Variants in NUAK1 observed in about 807,000 individuals in gnomAD.
NUAK1 encodes NUAK family kinase 1.
In NUAK1, 26 loss-of-function variants were observed where a neutral mutation model predicts 56.9. The ratio of observed to expected loss-of-function variants is 0.46; its 90% CI spans 0.33 to 0.63. The LOEUF is 0.63. NUAK1 is among the 30% of genes least tolerant of loss of function. NUAK1 has a pLI of 0.02. For missense variants in NUAK1, 727 were observed against 876.1 expected (o/e 0.83, Z 2.15); for synonymous variants, 337 against 336.0 (o/e 1.00, Z -0.03).
At chr12:106,074,824 T>C (rs950198743) in intron 4 of NUAK1, among the ~76,000 whole-genome samples, 6 of 152,172 alleles carry the variant, frequency 3.9e-5, no homozygotes, top group Non-Finnish European at 7.4e-5. Context: ...ACAACCAGCC[T>C]CAGAAAATGC....
chr12:106,103,256 C>G (rs2136470359), intron 2 of NUAK1: 1 of 152,290 alleles, frequency 6.6e-6, no homozygotes, highest in Middle Eastern at 3.4e-3. Context: ...AACCTGGAAC[C>G]TTCATGCTGA....
In NUAK1 at chr12:106,122,008, T is replaced by C. The variant is rs1409684243; in HGVS notation, c.241-15483A>G. On this transcript the variant is annotated intron_variant, in intron 1 of 6. Coordinates refer to ENST00000261402, the MANE Select transcript of NUAK1 (RefSeq NM_014840.3). ...AAAACCTATCTTGTGTGCGACACTT[T>C]CTCAGAAACTCTTTGCCTGTGCCTC... 2.0e-5 allele frequency among the ~76,000 whole-genome samples: 3 copies of C among 152,186 alleles called. No homozygotes were observed. In the East Asian group the frequency reaches 5.8e-4, roughly 29 times the overall value.
chr12:106,082,105 G>C (rs1046980698), intron 4 of NUAK1, among the ~76,000 whole-genome samples: 1 of 152,206 alleles, frequency 6.6e-6, no homozygotes, highest in Non-Finnish European at 1.5e-5. Flanking sequence ...TTGTAGTATT[G>C]TCTAAAATCT....
chr12:106,075,318 C>CACACACACAG (rs142856878), intron 4 of NUAK1, among the ~76,000 whole-genome samples: 2,323 of 146,726 alleles, frequency 0.016, 40 homozygotes, highest in East Asian at 0.052. Context: ...CACACACACA[C>CACACACACAG]AGAGAGAGAG....
rs139862963 is a variant in NUAK1 at position 106,106,484 on chromosome 12, T to C, written c.282A>G (p.Glu94=). Reference sequence around the variant, plus strand: ...CTCGTCTGATGTGAACCATGTCTTGTTCATCCTTAATTTTGTCCTTACGAA... The same window carrying C: ...CTCGTCTGATGTGAACCATGTCTTGCTCATCCTTAATTTTGTCCTTACGAA... ...KSIRKDKIKD[E]QDMVHIRREI... is the part of the protein sequence containing the mutation. Residue 94 remains glutamate (E), a synonymous_variant, in exon 2 of 7, where the codon GAA becomes GAG. Transcript: ENST00000261402. 69 of 1,613,364 alleles carry C rather than the reference T, an allele frequency of 4.3e-5. No individual in the cohort carries two copies. The African/African-American group carries it at 8.9e-4, about 21-fold the overall frequency.
rs575560632 is a variant in NUAK1, at chr12:106,106,396, A to G, written c.361+9T>C. ...GATATGGGGGTTAAAAAAAAAAAAAATCACTGACCTTCATAAATACTGATG... is the reference window on the plus strand; with the variant it reads ...GATATGGGGGTTAAAAAAAAAAAAAGTCACTGACCTTCATAAATACTGATG... On this transcript the variant is annotated intron_variant, in intron 2 of 6. Coordinates refer to ENST00000261402, the MANE Select transcript of NUAK1 (RefSeq NM_014840.3). 1.3e-6 allele frequency: 2 copies of G among 1,589,676 alleles called. No individual in the cohort carries two copies. Among genetic ancestry groups the G allele is most frequent in the African/African-American group, 1.4e-5 (1 of 74,056 alleles).
chr12:106,114,017 T>C (rs2032892355), intron 1 of NUAK1, among the ~76,000 whole-genome samples: 1 of 152,184 alleles, frequency 6.6e-6, no homozygotes, highest in African/African-American at 2.4e-5. Context: ...CAAGCAGCTG[T>C]TTATTTTTGG....
At chr12:106,101,787 TG>T (rs1337727617) in intron 2 of NUAK1, among the ~76,000 whole-genome samples, 5 of 152,138 alleles carry the variant, frequency 3.3e-5, no homozygotes, top group Non-Finnish European at 5.9e-5. Flanking sequence ...AGGTTTGCTG[TG>T]GGGATAAAAG....
chr12:106,111,718 T>C (rs557186500), intron 1 of NUAK1, among the ~76,000 whole-genome samples: 4 of 152,234 alleles, frequency 2.6e-5, no homozygotes, highest in African/African-American at 9.6e-5. Context: ...TAGTGCTTCG[T>C]CTTTGACCCT....
chr12:106,092,031 A>C (rs2032640628), intron 2 of NUAK1, among the ~76,000 whole-genome samples: 1 of 151,976 alleles, frequency 6.6e-6, no homozygotes, highest in Non-Finnish European at 1.5e-5. Context: ...CCTCATCTCT[A>C]AAACAAAAAA....
chr12:106,129,043 A>G (rs1223203471), intron 1 of NUAK1, among the ~76,000 whole-genome samples: 2 of 152,220 alleles, frequency 1.3e-5, no homozygotes, highest in Non-Finnish European at 2.9e-5. Flanking sequence ...GGCTTCTCAG[A>G]TGGAGGGCTG....
At chr12:106,077,118 T>C (rs111651076) in intron 4 of NUAK1, among the ~76,000 whole-genome samples, 7 of 152,324 alleles carry the variant, frequency 4.6e-5, no homozygotes, top group African/African-American at 1.7e-4. Context: ...AGGATGCTGA[T>C]GGCAATGATA....
Position 106,138,702 on chromosome 12 carries a change from C to G in NUAK1, c.-49G>C. 1 of 1,447,326 alleles carries G rather than the reference C, an allele frequency of 6.9e-7. No homozygotes were observed. The highest frequency in any genetic ancestry group is 9.0e-7 in the Non-Finnish European group (1 of 1,108,830). The allele number at this position is 1,447,326 out of a possible 1,614,324, so 89.7% of individuals were successfully genotyped here. A position where few individuals can be genotyped will look rare whatever the true frequency, so the allele number is the denominator to read the frequency against. On this transcript the variant is annotated 5_prime_UTR_variant, in exon 1 of 7. Coordinates refer to ENST00000261402, the MANE Select transcript of NUAK1 (RefSeq NM_014840.3). This position sits in a 1 kb window ranked among gnomAD's most constrained non-coding sequence, Gnocchi z 5.0. ...CTACAGAGGGCAAGACCGGGCACAGCGCTGGGATGTCGGGGTCCCCACCGA... is the reference window on the plus strand; with the variant it reads ...CTACAGAGGGCAAGACCGGGCACAGGGCTGGGATGTCGGGGTCCCCACCGA...
chr12:106,095,048 A>G (rs11112863), intron 2 of NUAK1, among the ~76,000 whole-genome samples: 5,220 of 152,140 alleles, frequency 0.034, 315 homozygotes, highest in African/African-American at 0.12. Flanking sequence ...AGCCATCACC[A>G]CAGGCTCATG....
At position 106,086,761 on chromosome 12, in the gene NUAK1, G is replaced by T. The variant is rs267603280; in HGVS notation, c.486C>A (p.Ile162=). 1 of 1,614,066 alleles carries T rather than the reference G, an allele frequency of 6.2e-7. No individual in the cohort carries two copies. Among genetic ancestry groups the T allele is most frequent in the South Asian group, 1.1e-5 (1 of 91,082 alleles). The part of the protein sequence containing the change: ...ERETRHFFRQ[I]VSAVHYCHKN... ...TGTGACAATAGTGCACAGCAGAGAC[G>T]ATCTGCCGGAAGAAGTGCCGGGTCT... is the stretch of plus-strand genomic sequence containing the variant. The change falls in exon 3 of 7, where the codon ATC becomes ATA. Residue 162 remains isoleucine, a synonymous_variant. Transcript: ENST00000261402.
intron 1 of NUAK1, among the ~76,000 whole-genome samples, chr12:106,124,046 T>C (rs1443895971): frequency 2.0e-5 from 3 of 152,224 alleles, no homozygotes; most frequent in Non-Finnish European, 4.4e-5. Flanking sequence ...ATATTCGTTA[T>C]AATTTTTTCC....
intron 4 of NUAK1, among the ~76,000 whole-genome samples, chr12:106,076,705 A>G (rs2032468537): frequency 6.6e-6 from 1 of 152,252 alleles, no homozygotes; most frequent in Admixed American, 6.5e-5. Context: ...TAACCTCACT[A>G]CAACACAGAT....
chr12:106,078,226 G>A (rs1363943811), intron 4 of NUAK1, among the ~76,000 whole-genome samples: 1 of 152,200 alleles, frequency 6.6e-6, no homozygotes, highest in South Asian at 2.1e-4. Flanking sequence ...GCAAGACCCT[G>A]TCTCTAAAAA....
At chr12:106,088,121 G>T (rs1489287383) in intron 2 of NUAK1, among the ~76,000 whole-genome samples, 1 of 152,218 alleles carries the variant, frequency 6.6e-6, no homozygotes, top group African/African-American at 2.4e-5. Context: ...CAGGGAGAAG[G>T]GAGGCCACAA....
Sources: gnomAD v4.1 joint callset for allele counts (sites outside exome capture counted in the v4.1 genomes callset) on GRCh38, gnomAD v4.1.1 for gene constraint, Gnocchi (gnomAD v3.1) non-coding constraint, MANE v1.5 for transcripts, NCBI Gene and HGNC (gene_info 2026-07-23, HGNC 2026-07-21) for gene names.